The following FRMD4B variants were observed in gnomAD, a reference collection of about 807,000 sequenced individuals.
FRMD4B encodes the protein FERM domain containing 4B.
FRMD4B carries 74 observed loss-of-function variants against 141.5 expected under a neutral mutation model. The observed-to-expected ratio is 0.52, with a 90% CI of 0.43 to 0.63. FRMD4B has a LOEUF of 0.63. Ranked by LOEUF, FRMD4B falls within the 30% of genes least tolerant of loss-of-function variation. FRMD4B has a pLI of 0.00. For synonymous variants in FRMD4B, 506 were observed against 467.9 expected (o/e 1.08, Z -1.05); for missense variants, 1,366 against 1,253.4 (o/e 1.09, Z -1.36).
intron 1 of FRMD4B, among the ~76,000 whole-genome samples, chr3:69,344,856 C>A (rs925935476): frequency 1.3e-5 from 2 of 152,160 alleles, no homozygotes; most frequent in Non-Finnish European, 2.9e-5. Context: ...ACCACAGGGG[C>A]AGTTCCAAGA....
intron 1 of FRMD4B, among the ~76,000 whole-genome samples, chr3:69,445,442 G>A (rs1705398312): frequency 6.6e-6 from 1 of 152,112 alleles, no homozygotes; most frequent in Non-Finnish European, 1.5e-5. Flanking sequence ...GGCTGCTCAG[G>A]CCATAAACCT....
At chr3:69,329,669 A>G (rs1702302958) in intron 1 of FRMD4B, among the ~76,000 whole-genome samples, 1 of 151,384 alleles carries the variant, frequency 6.6e-6, no homozygotes. Context: ...CTGGGATTAC[A>G]GGCGCCCGCC....
chr3:69,330,312 A>G (rs1702322941), intron 1 of FRMD4B, among the ~76,000 whole-genome samples: 1 of 108,474 alleles, frequency 9.2e-6, no homozygotes, highest in Non-Finnish European at 2.0e-5. Context: ...TATTCAAGGT[A>G]TACAACATTA....
chr3:69,276,548 C>T (rs765231721), intron 5 of FRMD4B, among the ~76,000 whole-genome samples: 1 of 152,144 alleles, frequency 6.6e-6, no homozygotes, highest in African/African-American at 2.4e-5. Flanking sequence ...GTACCATGCC[C>T]GACCTTTAGG....
chr3:69,185,218 G>A (rs948833042), intron 19 of FRMD4B, among the ~76,000 whole-genome samples: 5 of 150,918 alleles, frequency 3.3e-5, no homozygotes, highest in African/African-American at 7.3e-5. Flanking sequence ...GGAGAATGGC[G>A]TGAACCTGGG....
rs577400104 is a variant in FRMD4B at position 69,535,834 on chromosome 3, C to G, written c.-129+6372G>C. The G allele has an allele frequency of 8.5e-6, 4 of 468,278 alleles. No homozygotes were observed. The East Asian group carries it at 2.8e-4, about 32-fold the overall frequency. The allele number at this position is 468,278 out of a possible 1,614,324, so 29.0% of individuals were successfully genotyped here. A position where few individuals can be genotyped will look rare whatever the true frequency, so the allele number is the denominator to read the frequency against. ...GGTGTTTGGCCCCTGGGCAGCTGCC[C>G]CTTTAGGAGCCTTGGTCTTGGCTAC... On this transcript the variant is annotated intron_variant, in intron 1 of 5. Coordinates refer to the FRMD4B transcript ENST00000459638.
intron 1 of FRMD4B, among the ~76,000 whole-genome samples, chr3:69,444,124 C>T (rs1425486987): frequency 2.6e-5 from 4 of 152,152 alleles, no homozygotes; most frequent in Non-Finnish European, 4.4e-5. Context: ...ATCAGCATTC[C>T]CCATTCCCTA....
intron 1 of FRMD4B, among the ~76,000 whole-genome samples, chr3:69,525,475 G>A (rs1044629068): frequency 1.3e-5 from 2 of 152,128 alleles, no homozygotes; most frequent in African/African-American, 4.8e-5. Flanking sequence ...GGGCAGGCCC[G>A]GCATTATCAG....
At chr3:69,258,425 T>C (rs2093505941) in intron 5 of FRMD4B, among the ~76,000 whole-genome samples, 1 of 151,862 alleles carries the variant, frequency 6.6e-6, no homozygotes, top group South Asian at 2.1e-4. Context: ...GTTTTCATCT[T>C]AGGGAAACAT....
chr3:69,330,185 A>G (rs1229485290), intron 1 of FRMD4B, among the ~76,000 whole-genome samples: 3 of 151,096 alleles, frequency 2.0e-5, no homozygotes, highest in Non-Finnish European at 2.9e-5. Flanking sequence ...AAATGAGTTG[A>G]TTTTCCTTCA....
chr3:69,486,132 A>G (rs746745478), intron 1 of FRMD4B, among the ~76,000 whole-genome samples: 4 of 152,162 alleles, frequency 2.6e-5, no homozygotes, highest in African/African-American at 9.7e-5. Flanking sequence ...CTGGCTTTGA[A>G]TTTTTCCCAA....
chr3:69,437,953 ATATAATACTAC>A (rs1015301086), intron 1 of FRMD4B, among the ~76,000 whole-genome samples: 1 of 127,790 alleles, frequency 7.8e-6, no homozygotes. Context: ...ACATATACTA[ATATAATACTAC>A]ATAAATATAT....
intron 7 of FRMD4B, among the ~76,000 whole-genome samples, chr3:69,236,258 T>A (rs1198778451): frequency 6.6e-6 from 1 of 150,772 alleles, no homozygotes; most frequent in Non-Finnish European, 1.5e-5. Context: ...AGATGGAGTC[T>A]CGCTCTGTTG....
intron 2 of FRMD4B, among the ~76,000 whole-genome samples, chr3:69,430,440 C>T (rs1252557613): frequency 2.0e-5 from 3 of 152,228 alleles, no homozygotes; most frequent in Middle Eastern, 3.4e-3. Flanking sequence ...TGTAAGACTC[C>T]CTTCTATTTC....
Position 69,331,352 on chromosome 3 carries a change from T to C in FRMD4B, c.163-17835A>G, listed in dbSNP as rs1302090668. On this transcript the variant is annotated intron_variant, in intron 1 of 22. Coordinates refer to ENST00000398540, the MANE Select transcript of FRMD4B (RefSeq NM_015123.3). ...TCAGCCCCTCGGCGTAGGGCGGTGG[T>C]TGGGAGCAGCCCCTGGGGAGTCAGA... Among the ~76,000 whole-genome samples, 6 of 152,238 alleles carry C rather than the reference T, an allele frequency of 3.9e-5. No homozygotes were observed. In the South Asian group the frequency reaches 8.3e-4, roughly 21 times the overall value.
At chr3:69,436,592 C>A (rs568733222) in intron 1 of FRMD4B, among the ~76,000 whole-genome samples, 5 of 152,248 alleles carry the variant, frequency 3.3e-5, no homozygotes, top group Middle Eastern at 3.4e-3. Flanking sequence ...CATCTCTGGG[C>A]AGATACCCAA....
chr3:69,533,448 G>C (rs1331380991), intron 1 of FRMD4B, among the ~76,000 whole-genome samples: 1 of 152,148 alleles, frequency 6.6e-6, no homozygotes, highest in Non-Finnish European at 1.5e-5. Context: ...GTTATTGTGG[G>C]TCATTGTGGT....
Position 69,224,865 on chromosome 3 carries a change from T to C in FRMD4B, c.582-175A>G, listed in dbSNP as rs536094114. Among the ~76,000 whole-genome samples the C allele has an allele frequency of 6.6e-5, 10 of 150,436 alleles. No individual in the cohort carries two copies. The South Asian group carries it at 1.7e-3, about 26-fold the overall frequency. Reference sequence around the variant, plus strand: ...CCCCAAATTTAACAACTGAGTTATATGATGAGATGTTGAAGTTTATAATAT... The same window carrying C: ...CCCCAAATTTAACAACTGAGTTATACGATGAGATGTTGAAGTTTATAATAT... On this transcript the variant is annotated intron_variant, in intron 7 of 22. Transcript: ENST00000398540.
chr3:69,454,270 G>A (rs576064643), intron 1 of FRMD4B, among the ~76,000 whole-genome samples: 1 of 152,360 alleles, frequency 6.6e-6, no homozygotes, highest in South Asian at 2.1e-4. Flanking sequence ...ACGTTGGGAG[G>A]TGACAGCGTG....
Sources: allele counts gnomAD v4.1 joint callset (sites outside exome capture counted in the v4.1 genomes callset), GRCh38; gene constraint gnomAD v4.1.1; transcripts MANE v1.5; gene names NCBI Gene and HGNC (gene_info 2026-07-23, HGNC 2026-07-21).